GRM7: variants seen among roughly 807,000 people sequenced by gnomAD.
The protein encoded by GRM7 is glutamate metabotropic receptor 7, also known as metabotropic glutamate receptor 7.
In GRM7, 35 loss-of-function variants were observed where a neutral mutation model predicts 84.5. The ratio of observed to expected loss-of-function variants is 0.41; its 90% CI spans 0.32 to 0.55. GRM7 has a LOEUF of 0.55. GRM7 is among the 20% of genes least tolerant of loss of function. GRM7 has a pLI of 0.19. For synonymous variants in GRM7, 487 were observed against 455.1 expected, an observed-to-expected ratio of 1.07 and a Z score of -0.89; for missense variants, 1,003 against 1,194.6, an observed-to-expected ratio of 0.84 and a Z score of 2.36.
In GRM7 at chr3:7,686,806, G is replaced by A. The variant is rs868523771; in HGVS notation, c.2698+6511G>A. ...TGTATGTTTTCCTACTGTGGGCTTA[G>A]AAGGCAGTGTGGAAAACCTACAAGG... On this transcript the variant is annotated intron_variant, in intron 9 of 9. Transcript: ENST00000357716. Among the ~76,000 whole-genome samples the A allele has an allele frequency of 2.6e-5, 4 of 152,142 alleles. No homozygotes were observed. The South Asian group carries it at 8.3e-4, about 32-fold the overall frequency.
At chr3:7,491,504 A>G (rs553420557) in intron 7 of GRM7, among the ~76,000 whole-genome samples, 1 of 152,256 alleles carries the variant, frequency 6.6e-6, no homozygotes, top group African/African-American at 2.4e-5. Flanking sequence ...ATATTTGTTC[A>G]TTCTGTGTGT....
chr3:7,214,614 A>G (rs932664396), intron 2 of GRM7, among the ~76,000 whole-genome samples: 1 of 152,240 alleles, frequency 6.6e-6, no homozygotes, highest in African/African-American at 2.4e-5. Context: ...AGCTACAGCC[A>G]TCACACCTCT....
At chr3:7,389,552 A>G (rs1694910089) in intron 4 of GRM7, among the ~76,000 whole-genome samples, 1 of 152,080 alleles carries the variant, frequency 6.6e-6, no homozygotes, top group South Asian at 2.1e-4. Flanking sequence ...CCAATGTTGG[A>G]TGTGTGTACA....
chr3:7,092,619 A>G (rs1368783490), intron 1 of GRM7, among the ~76,000 whole-genome samples: 1 of 151,304 alleles, frequency 6.6e-6, no homozygotes, highest in Non-Finnish European at 1.5e-5. Flanking sequence ...GGCAATTTAG[A>G]TTAAAAGTCA....
At chr3:6,966,424 C>T (rs1693521534) in intron 1 of GRM7, among the ~76,000 whole-genome samples, 2 of 152,154 alleles carry the variant, frequency 1.3e-5, no homozygotes, top group African/African-American at 4.8e-5. Flanking sequence ...GGGTCTCCAG[C>T]TAATAAACAG....
At chr3:7,632,450 G>A (rs1697900833) in intron 8 of GRM7, among the ~76,000 whole-genome samples, 1 of 152,186 alleles carries the variant, frequency 6.6e-6, no homozygotes, top group Non-Finnish European at 1.5e-5. Flanking sequence ...GGAAATTAAT[G>A]TGCAGGAAAA....
intron 1 of GRM7, among the ~76,000 whole-genome samples, chr3:6,889,918 T>C (rs1251732641): frequency 6.6e-6 from 1 of 152,228 alleles, no homozygotes; most frequent in Non-Finnish European, 1.5e-5. Context: ...GAGCCTGTTA[T>C]TGGTTTATTC....
chr3:6,958,077 ATG>A (rs139080887), intron 1 of GRM7, among the ~76,000 whole-genome samples: 83 of 150,740 alleles, frequency 5.5e-4, no homozygotes, highest in Non-Finnish European at 5.9e-4. Context: ...ATGTGTATAT[ATG>A]TGTGTGTGTG....
rs180986476 is a variant in GRM7, at chr3:7,409,738, C to T, written c.1034-5285C>T. ...GCCTCAGCCTCCCAAGTAGCTGGGA[C>T]TACAGGCACATGCCACCACGCCCGG... On this transcript the variant is annotated intron_variant, in intron 4 of 9. Transcript: ENST00000357716. Among the ~76,000 whole-genome samples, 39 of 152,050 alleles carry T rather than the reference C, an allele frequency of 2.6e-4. No individual in the cohort carries two copies. In the East Asian group the frequency reaches 3.1e-3, roughly 12 times the overall value.
rs982845394 is a variant in GRM7 at position 7,580,783 on chromosome 3, T to C, written c.2451+1426T>C. Among the ~76,000 whole-genome samples, 35 of 152,172 alleles carry C rather than the reference T, an allele frequency of 2.3e-4. 1 individual carries two copies. Among genetic ancestry groups the C allele is most frequent in the Non-Finnish European group, 2.5e-4 (17 of 68,020 alleles). The stretch of plus-strand genomic sequence containing the variant: ...CATGTTTCAATTTCATAATCTATGT[T>C]TACTGTCTGTGAAACCAACTTGAAT... On this transcript the variant is annotated intron_variant, in intron 8 of 9. Coordinates refer to ENST00000357716, the MANE Select transcript of GRM7 (RefSeq NM_000844.4).
At chr3:6,959,856 T>C (rs1575069375) in intron 1 of GRM7, among the ~76,000 whole-genome samples, 1 of 152,180 alleles carries the variant, frequency 6.6e-6, no homozygotes, top group African/African-American at 2.4e-5. Context: ...GTTAGTTTTT[T>C]TCACACTTGT....
intron 8 of GRM7, among the ~76,000 whole-genome samples, chr3:7,605,711 A>G (rs567365895): frequency 6.6e-6 from 1 of 152,326 alleles, no homozygotes; most frequent in African/African-American, 2.4e-5. Flanking sequence ...TTTAAATTTT[A>G]AAAGTGAGGT....
intron 1 of GRM7, among the ~76,000 whole-genome samples, chr3:7,057,038 G>T (rs181244792): frequency 5.3e-5 from 8 of 151,928 alleles, no homozygotes; most frequent in Admixed American, 4.6e-4. Context: ...GTATATGTAT[G>T]TGGTGTGAAT....
rs1700200531 is a variant in GRM7, at chr3:7,306,533, T to G, written c.914T>G (p.Val305Gly). 6.2e-7 allele frequency: 1 copy of G among 1,613,790 alleles called. No homozygotes were observed. The highest frequency in any genetic ancestry group is 1.7e-5 in the Admixed American group (1 of 59,988). Residue 305 changes from valine (V) to glycine (G), a missense_variant, in exon 4 of 10, where the codon GTT (valine) becomes GGT (glycine). By Grantham distance (109) the Val-to-Gly change is moderately radical (BLOSUM62 -3). Transcript: ENST00000357716. ...ILAAAKRADQ[V>G]GHFLWVGSDS... is the part of the protein sequence containing the mutation. ...GCAGCAGCCAAAAGAGCTGACCAAG[T>G]TGGCCATTTTCTTTGGGTGGGATCA...
chr3:7,572,876 ATAT>A (rs1559412004), intron 7 of GRM7, among the ~76,000 whole-genome samples: 12 of 88,300 alleles, frequency 1.4e-4, no homozygotes, highest in Non-Finnish European at 1.6e-4. Flanking sequence ...ATATATATAT[ATAT>A]AAATAATCTT....
chr3:7,427,678 A>G (rs1314381759), intron 5 of GRM7, among the ~76,000 whole-genome samples: 1 of 152,174 alleles, frequency 6.6e-6, no homozygotes, highest in Admixed American at 6.5e-5. Context: ...GTGATCTTCA[A>G]AAGTCCCACT....
At chr3:7,602,632 G>C (rs1696372812) in intron 8 of GRM7, among the ~76,000 whole-genome samples, 1 of 152,132 alleles carries the variant, frequency 6.6e-6, no homozygotes, top group Non-Finnish European at 1.5e-5. Flanking sequence ...AGAAAATGTA[G>C]TTCTCAGAAT....
chr3:6,916,532 C>A (rs1249442596), intron 1 of GRM7, among the ~76,000 whole-genome samples: 1 of 152,072 alleles, frequency 6.6e-6, no homozygotes, highest in East Asian at 1.9e-4. Flanking sequence ...GCTGGGAAGT[C>A]CACAATCAAG....
At chr3:7,341,501 C>G (rs542563784) in intron 4 of GRM7, among the ~76,000 whole-genome samples, 4 of 151,862 alleles carry the variant, frequency 2.6e-5, no homozygotes, top group Non-Finnish European at 5.9e-5. Flanking sequence ...ATCCCACACA[C>G]GGCCTGACTC....
Sources: gnomAD v4.1 joint callset for allele counts (sites outside exome capture counted in the v4.1 genomes callset) on GRCh38, gnomAD v4.1.1 for gene constraint, MANE v1.5 for transcripts, NCBI Gene and HGNC (gene_info 2026-07-23, HGNC 2026-07-21) for gene names.